Variants in MPP7 observed in about 807,000 individuals in gnomAD.
MPP7 encodes the protein MAGUK p55 scaffold protein 7, also known as MAGUK p55 subfamily member 7.
MPP7 carries 60 observed loss-of-function variants against 76.5 expected under a neutral mutation model. The observed-to-expected ratio is 0.78, with a 90% CI of 0.64 to 0.97. The LOEUF (loss-of-function observed/expected upper bound fraction) is 0.97, where lower values mean the gene tolerates loss of function less well. Among genes scored for constraint, MPP7 ranks in the 50% least tolerant of loss-of-function variants. The pLI, the probability that MPP7 is intolerant of heterozygous loss-of-function variation, is 0.00. For synonymous variants in MPP7, 237 were observed against 244.5 expected, an observed-to-expected ratio of 0.97 and a Z score of 0.29; for missense variants, 641 against 694.0, an observed-to-expected ratio of 0.92 and a Z score of 0.86.
intron 3 of MPP7, among the ~76,000 whole-genome samples, chr10:28,179,317 T>C (rs1457666682): frequency 6.6e-6 from 1 of 152,110 alleles, no homozygotes; most frequent in Non-Finnish European, 1.5e-5. Flanking sequence ...CAAAAACCTG[T>C]CCCTATCTCA....
intron 6 of MPP7, 31 bp from the exon 7 acceptor site, chr10:28,125,122 G>T: frequency 6.4e-7 from 1 of 1,563,816 alleles, no homozygotes. Flanking sequence ...AGCATTTGTG[G>T]GTAAATGTGT....
At chr10:28,263,219 C>T (rs1840046428) in intron 1 of MPP7, among the ~76,000 whole-genome samples, 1 of 152,146 alleles carries the variant, frequency 6.6e-6, no homozygotes, top group Non-Finnish European at 1.5e-5. Flanking sequence ...ATTCAAATTG[C>T]TTTCATCTAA....
intron 2 of MPP7, among the ~76,000 whole-genome samples, chr10:28,324,068 C>G (rs1249346): frequency 2.0e-5 from 3 of 151,876 alleles, no homozygotes; most frequent in Non-Finnish European, 4.4e-5. Flanking sequence ...ATAGCTGTGA[C>G]GGTCTGTCTA....
chr10:28,120,582 A>T lies in MPP7; in HGVS notation c.690+12T>A. The stretch of plus-strand genomic sequence containing the variant: ...TCCCACGCACGAAGAAATGTTTTTA[A>T]GCAATAATTACCTTGCCTTCTTTTG... On this transcript the variant is annotated intron_variant, in intron 9 of 16. Coordinates refer to ENST00000683449, the MANE Select transcript of MPP7 (RefSeq NM_001318170.2). The T allele has an allele frequency of 6.2e-7, 1 of 1,612,006 alleles. No individual in the cohort carries two copies.
rs59436299 is a variant in MPP7 at position 28,189,570 on chromosome 10, C to CAA, written c.156+12581_156+12582dup. 7.2e-4 allele frequency among the ~76,000 whole-genome samples: 50 copies of CAA among 69,528 alleles called. 1 individual carries two copies. The highest frequency in any genetic ancestry group is 4.0e-3 in the East Asian group (10 of 2,472). The allele number at this position is 69,528 out of a possible 152,430, so 45.6% of individuals were successfully genotyped here. ...AGGGAGACAGAGCAAGACCCTGTCT[C>CAA]AAAAAAAAAAAAAAAAAAAAAAAAA... On this transcript the variant is annotated intron_variant, in intron 3 of 16. Transcript: ENST00000683449.
At chr10:28,313,546 A>G (rs2616615) in intron 2 of MPP7, among the ~76,000 whole-genome samples, 60,178 of 151,966 alleles carry the variant, frequency 0.4, 12,530 homozygotes, top group Middle Eastern at 0.49. Flanking sequence ...AAAGACAGAG[A>G]TATCCTAAAT....
At chr10:28,174,474 C>T (rs972467358) in intron 3 of MPP7, among the ~76,000 whole-genome samples, 5 of 152,130 alleles carry the variant, frequency 3.3e-5, no homozygotes, top group Non-Finnish European at 5.9e-5. Flanking sequence ...ATGCCAGCTC[C>T]GCTTTGCCTT....
At chr10:28,289,339 C>G (rs984128243) in intron 1 of MPP7, 7 of 151,870 alleles carry the variant, frequency 4.6e-5, no homozygotes, top group African/African-American at 1.7e-4. Context: ...TCCAGACTAG[C>G]AGACTAGTGG....
Position 28,140,998 on chromosome 10 carries a change from AT to A in MPP7, c.315+6484del, listed in dbSNP as rs534566537. The stretch of plus-strand genomic sequence containing the variant: ...ACAGCACAACTTTGGTCTCAGGATG[AT>A]TTTTTTTAAATACTAAAGTAAAATA... On this transcript the variant is annotated intron_variant, in intron 5 of 16. Coordinates refer to ENST00000683449, the MANE Select transcript of MPP7 (RefSeq NM_001318170.2). Among the ~76,000 whole-genome samples the A allele has an allele frequency of 3.4e-3, 518 of 152,032 alleles. 1 individual carries two copies. Among genetic ancestry groups the A allele is most frequent in the African/African-American group, 0.011 (451 of 41,488 alleles).
chr10:28,127,123 C>A (rs1457111769), intron 6 of MPP7, among the ~76,000 whole-genome samples: 1 of 152,150 alleles, frequency 6.6e-6, no homozygotes, highest in African/African-American at 2.4e-5. Context: ...TTAAGTGGAA[C>A]CAATCTCTCT....
intron 1 of MPP7, among the ~76,000 whole-genome samples, chr10:28,285,279 G>T (rs1840765835): frequency 6.6e-6 from 1 of 152,142 alleles, no homozygotes; most frequent in South Asian, 2.1e-4. Context: ...CCACCTCCTG[G>T]GTTAAAATGA....
chr10:28,170,245 C>CCTATTATATGATATA (rs889213746), intron 3 of MPP7, among the ~76,000 whole-genome samples: 1 of 152,000 alleles, frequency 6.6e-6, no homozygotes, highest in African/African-American at 2.4e-5. Context: ...TATTGTGATT[C>CCTATTATATGATATA]CTGAGTCTGT....
intron 11 of MPP7, among the ~76,000 whole-genome samples, chr10:28,115,072 TTTTG>T (rs59333090): frequency 3.8e-4 from 58 of 151,324 alleles, no homozygotes; most frequent in South Asian, 1.3e-3. Flanking sequence ...ACGTTAGGTT[TTTTG>T]TTTGTTTGTT....
At chr10:28,114,599 T>C (rs1222582367) in intron 11 of MPP7, among the ~76,000 whole-genome samples, 2 of 152,130 alleles carry the variant, frequency 1.3e-5, no homozygotes, top group Non-Finnish European at 2.9e-5. Flanking sequence ...GGAGAAACTG[T>C]GTCTATATTA....
chr10:28,097,638 T>G (rs533863360), intron 11 of MPP7, among the ~76,000 whole-genome samples: 1 of 152,300 alleles, frequency 6.6e-6, no homozygotes, highest in African/African-American at 2.4e-5. Flanking sequence ...TCATTTCTAT[T>G]ACATTATGTT....
chr10:28,313,807 C>T (rs944484645), intron 2 of MPP7, among the ~76,000 whole-genome samples: 2 of 151,442 alleles, frequency 1.3e-5, no homozygotes, highest in Admixed American at 6.6e-5. Flanking sequence ...CCACCTCAGC[C>T]TCCAAAGTAG....
chr10:28,288,789 G>A (rs12570440), intron 1 of MPP7, among the ~76,000 whole-genome samples: 12,978 of 152,122 alleles, frequency 0.085, 1,015 homozygotes, highest in East Asian at 0.41. Context: ...GTTCCTGTTT[G>A]AACAAACGCT....
intron 5 of MPP7, among the ~76,000 whole-genome samples, chr10:28,133,097 T>C (rs1286551349): frequency 6.6e-6 from 1 of 152,216 alleles, no homozygotes; most frequent in Non-Finnish European, 1.5e-5. Context: ...ACACACTTTT[T>C]ACATAAAAAG....
chr10:28,060,853 A>C (rs1851754616), intron 13 of MPP7, among the ~76,000 whole-genome samples: 1 of 152,254 alleles, frequency 6.6e-6, no homozygotes, highest in African/African-American at 2.4e-5. Context: ...TTATGAACTG[A>C]GAGTGGAATG....
Sources: gnomAD v4.1 joint callset for allele counts (sites outside exome capture counted in the v4.1 genomes callset) on GRCh38, gnomAD v4.1.1 for gene constraint, MANE v1.5 for transcripts, NCBI Gene and HGNC (gene_info 2026-07-23, HGNC 2026-07-21) for gene names.